AGPAT3: variants seen among roughly 807,000 people sequenced by gnomAD.
AGPAT3 encodes 1-acyl-sn-glycerol-3-phosphate acyltransferase gamma.
A neutral mutation model predicts 47.3 loss-of-function variants in AGPAT3; 5 were observed. The observed-to-expected ratio is 0.11, with a 90% CI of 0.06 to 0.22. The LOEUF (loss-of-function observed/expected upper bound fraction) is 0.22, where lower values mean the gene tolerates loss of function less well. Ranked by LOEUF, AGPAT3 falls within the 10% of genes least tolerant of loss-of-function variation. AGPAT3 has a pLI of 1.00. For synonymous variants in AGPAT3, 212 were observed against 208.3 expected (o/e 1.02, Z -0.15); for missense variants, 315 against 493.0 (o/e 0.64, Z 3.42).
intron 2 of AGPAT3, 39 bp from the exon 3 acceptor site, chr21:43,959,595 G>A (rs775868771): frequency 3.9e-5 from 61 of 1,583,086 alleles, no homozygotes; most frequent in African/African-American, 8.1e-5. Flanking sequence ...GGGTGTGGGC[G>A]TGGCCACCCT....
Position 43,982,211 on chromosome 21 carries a change from TG to T in AGPAT3, c.1043-89del. On this transcript the variant is annotated intron_variant, in intron 9 of 9. Transcript: ENST00000291572. The surrounding 1 kb of genome is among the most constrained non-coding windows in gnomAD (Gnocchi z 6.2). ...GGGTGCGGGGCAGAGGGACAGGGTCTGGGGCAGAGGAAGGAAGCCCCAGTAA... is the reference window on the plus strand; with the variant it reads ...GGGTGCGGGGCAGAGGGACAGGGTCTGGGCAGAGGAAGGAAGCCCCAGTAA... 2.1e-6 allele frequency: 2 copies of T among 934,008 alleles called. No individual in the cohort carries two copies. Among genetic ancestry groups the T allele is most frequent in the Non-Finnish European group, 3.4e-6 (2 of 588,936 alleles). The allele number at this position is 934,008 out of a possible 1,614,324, so 57.9% of individuals were successfully genotyped here.
intron 1 of AGPAT3, among the ~76,000 whole-genome samples, chr21:43,898,565 C>T (rs534640256): frequency 2.1e-4 from 32 of 152,262 alleles, no homozygotes; most frequent in African/African-American, 7.2e-4. Context: ...CTTGCTCTGT[C>T]GCCCAGGCTG....
chr21:43,866,836 T>C (rs955536021), intron 1 of AGPAT3, among the ~76,000 whole-genome samples: 11 of 152,228 alleles, frequency 7.2e-5, no homozygotes, highest in Non-Finnish European at 1.6e-4. Context: ...TGCGTGGCCC[T>C]GTCCTGGCGT....
rs566703290 is a variant in AGPAT3 at position 43,870,453 on chromosome 21, T to A, written c.-112+5108T>A. 2.6e-5 allele frequency among the ~76,000 whole-genome samples: 4 copies of A among 152,150 alleles called. No homozygotes were observed. In the South Asian group the frequency reaches 8.3e-4, roughly 32 times the overall value. ...GGGTCCCCGGGTGGTGGTTCACACC[T>A]GTAATGCCAGCACTTTGGGAGGCTG... On this transcript the variant is annotated intron_variant, in intron 1 of 9. Coordinates refer to ENST00000291572, the MANE Select transcript of AGPAT3 (RefSeq NM_020132.5).
At position 43,980,994 on chromosome 21, in the gene AGPAT3, G is replaced by C; in HGVS notation, c.849G>C (p.Ala283=). ...WLHKLYQEKD[A]LQEIYNQKGM... is the part of the protein sequence containing the mutation. ...TTCTCTGTTGACTCTTCTAGGACGCGCTCCAGGAGATATATAATCAGAAGG... is the reference window on the plus strand; with the variant it reads ...TTCTCTGTTGACTCTTCTAGGACGCCCTCCAGGAGATATATAATCAGAAGG... Residue 283 remains alanine (A), a synonymous_variant, in exon 9 of 10, where the codon GCG becomes GCC. Coordinates refer to ENST00000291572, the MANE Select transcript of AGPAT3 (RefSeq NM_020132.5). 6.2e-7 allele frequency: 1 copy of C among 1,614,008 alleles called. No individual in the cohort carries two copies. Among genetic ancestry groups the C allele is most frequent in the Non-Finnish European group, 8.5e-7 (1 of 1,179,960 alleles).
chr21:43,953,931 C>G (rs546332181), intron 2 of AGPAT3, among the ~76,000 whole-genome samples: 2 of 152,304 alleles, frequency 1.3e-5, no homozygotes, highest in East Asian at 1.9e-4. Context: ...CCTAGGAGAT[C>G]AAGGCTGTGT....
chr21:43,935,998 G>T (rs1187656097), intron 2 of AGPAT3, among the ~76,000 whole-genome samples: 1 of 152,200 alleles, frequency 6.6e-6, no homozygotes, highest in African/African-American at 2.4e-5. Flanking sequence ...CCGCCCAGCT[G>T]TTCCTAAGCA....
At chr21:43,959,571 C>G in intron 2 of AGPAT3, 63 bp from the exon 3 acceptor site, 2 of 1,477,766 alleles carry the variant, frequency 1.4e-6, no homozygotes, top group South Asian at 2.3e-5. Context: ...AGCAGTGCCC[C>G]GGTGTTCCTG....
Position 43,986,034 on chromosome 21 carries a change from C to G in AGPAT3, c.*3642C>G, listed in dbSNP as rs888120498. 3 of 152,320 alleles carry G rather than the reference C, an allele frequency of 2.0e-5. No homozygotes were observed. The highest frequency in any genetic ancestry group is 7.2e-5 in the African/African-American group (3 of 41,458). The allele number at this position is 152,320 out of a possible 1,614,324, so 9.4% of individuals were successfully genotyped here. A position where few individuals can be genotyped will look rare whatever the true frequency, so the allele number is the denominator to read the frequency against. On this transcript the variant is annotated 3_prime_UTR_variant, in exon 10 of 10. Coordinates refer to ENST00000291572, the MANE Select transcript of AGPAT3 (RefSeq NM_020132.5). ...GGGATGGGGCCGGCCACACCCCTGA[C>G]TCCGCCCTGGCTCTGCCCCATACCC...
intron 8 of AGPAT3, among the ~76,000 whole-genome samples, chr21:43,978,409 C>G (rs1211932563): frequency 6.6e-6 from 1 of 152,218 alleles, no homozygotes. Context: ...CTCAAGCGAT[C>G]CTCCTGCCTC....
chr21:43,935,631 G>T (rs1278797834), intron 2 of AGPAT3, among the ~76,000 whole-genome samples: 1 of 152,240 alleles, frequency 6.6e-6, no homozygotes, highest in Non-Finnish European at 1.5e-5. Context: ...GGCATTCTGG[G>T]GCCTCAGGGC....
In AGPAT3 at chr21:43,939,635, C is replaced by T. The variant is rs550892487; in HGVS notation, c.-48-19999C>T. Among the ~76,000 whole-genome samples, 4 of 152,290 alleles carry T rather than the reference C, an allele frequency of 2.6e-5. No homozygotes were observed. Among genetic ancestry groups the T allele is most frequent in the Admixed American group, 6.5e-5 (1 of 15,300 alleles). On this transcript the variant is annotated intron_variant, in intron 2 of 9. Transcript: ENST00000291572. This position sits in a 1 kb window ranked among gnomAD's most constrained non-coding sequence, Gnocchi z 4.4. ...GGCTGGGTGGCTGTTCTCTGTTGAG[C>T]CCACAGCCATGCCCCACATGCAGGA...
intron 7 of AGPAT3, among the ~76,000 whole-genome samples, chr21:43,973,547 G>A (rs1456024003): frequency 6.6e-6 from 1 of 152,186 alleles, no homozygotes; most frequent in Non-Finnish European, 1.5e-5. Flanking sequence ...CCTCCGCCTC[G>A]GGTGCCACAC....
chr21:43,932,123 G>T lies in AGPAT3; in HGVS notation c.-48-27511G>T, dbSNP rs2087269342. ...CAACATCGTTTTTGGTGGTGTGGAT[G>T]TTAAAAATCTATTCTTTCCCTGATT... On this transcript the variant is annotated intron_variant, in intron 2 of 9. Coordinates refer to ENST00000291572, the MANE Select transcript of AGPAT3 (RefSeq NM_020132.5). The surrounding 1 kb of genome is among the most constrained non-coding windows in gnomAD (Gnocchi z 5.2). Among the ~76,000 whole-genome samples the T allele has an allele frequency of 6.6e-6, 1 of 152,310 alleles. No individual in the cohort carries two copies. Among genetic ancestry groups the T allele is most frequent in the Admixed American group, 6.5e-5 (1 of 15,298 alleles).
At chr21:43,938,779 T>C (rs1393304528) in intron 2 of AGPAT3, among the ~76,000 whole-genome samples, 1 of 152,172 alleles carries the variant, frequency 6.6e-6, no homozygotes, top group African/African-American at 2.4e-5. Context: ...CTCACACAGC[T>C]GCGGAGGGTC....
At chr21:43,940,161 T>C (rs2087608116) in intron 2 of AGPAT3, among the ~76,000 whole-genome samples, 1 of 152,298 alleles carries the variant, frequency 6.6e-6, no homozygotes, top group African/African-American at 2.4e-5. Flanking sequence ...CCGCTTGAGC[T>C]CGGCTCCTCA....
In AGPAT3 at chr21:43,970,891, T is replaced by G; in HGVS notation, c.664+85T>G. ...TTTAAAAAAAAAAAAAATGAGTGCA[T>G]TCCATGTGAAACACAGAAGAACAGA... On this transcript the variant is annotated intron_variant, in intron 6 of 9. Coordinates refer to ENST00000291572, the MANE Select transcript of AGPAT3 (RefSeq NM_020132.5). The surrounding 1 kb of genome is among the most constrained non-coding windows in gnomAD (Gnocchi z 5.8). 3.1e-6 allele frequency: 4 copies of G among 1,300,704 alleles called. No homozygotes were observed. The highest frequency in any genetic ancestry group is 4.0e-6 in the Non-Finnish European group (4 of 988,416). The allele number at this position is 1,300,704 out of a possible 1,614,324, so 80.6% of individuals were successfully genotyped here.
At chr21:43,902,482 C>T (rs2086381017) in intron 1 of AGPAT3, among the ~76,000 whole-genome samples, 1 of 152,196 alleles carries the variant, frequency 6.6e-6, no homozygotes, top group Non-Finnish European at 1.5e-5. Context: ...TTATTTCTCA[C>T]AGTTCTGGAG....
Position 43,908,283 on chromosome 21 carries a change from C to G in AGPAT3, c.-49+4264C>G, listed in dbSNP as rs1227926608. On this transcript the variant is annotated intron_variant, in intron 2 of 9. Transcript: ENST00000291572. This position sits in a 1 kb window ranked among gnomAD's most constrained non-coding sequence, Gnocchi z 4.9. ...TTGTTGGGGCTGGTCACTCCCCAGC[C>G]CTGAGGACTCTGGGGAAGGAATGCC... Among the ~76,000 whole-genome samples, 1 of 152,114 alleles carries G rather than the reference C, an allele frequency of 6.6e-6. No individual in the cohort carries two copies. The highest frequency in any genetic ancestry group is 1.9e-4 in the East Asian group (1 of 5,200).
Sources: gnomAD v4.1 joint callset for allele counts (sites outside exome capture counted in the v4.1 genomes callset) on GRCh38, gnomAD v4.1.1 for gene constraint, Gnocchi (gnomAD v3.1) non-coding constraint, MANE v1.5 for transcripts, NCBI Gene and HGNC (gene_info 2026-07-23, HGNC 2026-07-21) for gene names.